UTRN: variants seen among roughly 807,000 people sequenced by gnomAD.
UTRN encodes the protein utrophin, also known as dystrophin-related protein 1.
A neutral mutation model predicts 463.9 loss-of-function variants in UTRN; 283 were observed. That is an observed-to-expected ratio of 0.61 (90% CI 0.55 to 0.67). UTRN has a LOEUF of 0.67. UTRN is among the 30% of genes least tolerant of loss of function. The pLI is 0.00. For missense variants in UTRN, 3,922 were observed against 4,084.3 expected (o/e 0.96, Z 1.08); for synonymous variants, 1,442 against 1,431.5 (o/e 1.01, Z -0.17).
chr6:144,535,711 A>C (rs1797469096), intron 43 of UTRN, among the ~76,000 whole-genome samples: 2 of 152,218 alleles, frequency 1.3e-5, no homozygotes, highest in Non-Finnish European at 1.5e-5. Flanking sequence ...GAATTATCAC[A>C]CAGTTCAATT....
At chr6:144,291,056 G>C (rs608308) in intron 1 of UTRN, among the ~76,000 whole-genome samples, 39,703 of 151,722 alleles carry the variant, frequency 0.26, 5,300 homozygotes, top group South Asian at 0.41. Context: ...TTACAGGCAT[G>C]AGCCACCGTG....
chr6:144,743,152 G>A (rs1387005803), intron 54 of UTRN, among the ~76,000 whole-genome samples: 2 of 152,154 alleles, frequency 1.3e-5, no homozygotes, highest in African/African-American at 4.8e-5. Context: ...TATATACTGA[G>A]GACATACCAA....
In UTRN at chr6:144,820,735, C is replaced by T. The variant is rs11756890; in HGVS notation, c.9358-147C>T. The T allele has an allele frequency of 0.12, 110,120 of 886,024 alleles. 7,540 individuals carry two copies. Among genetic ancestry groups the T allele is most frequent in the South Asian group, 0.18 (8,463 of 47,476 alleles). 54.9% of individuals were successfully genotyped at this position (886,024 alleles called of 1,614,324 possible). A position where few individuals can be genotyped will look rare whatever the true frequency, so the allele number is the denominator to read the frequency against. ...ATGAGTTCTTATTGCCAAGTGTTTT[C>T]ATGAGACTGCTTTATTTCAAAAATG... On this transcript the variant is annotated intron_variant, in intron 65 of 74. Coordinates refer to ENST00000367545, the MANE Select transcript of UTRN (RefSeq NM_007124.3).
intron 48 of UTRN, among the ~76,000 whole-genome samples, chr6:144,551,367 G>C (rs1798904189): frequency 6.6e-6 from 1 of 151,934 alleles, no homozygotes; most frequent in African/African-American, 2.4e-5. Context: ...CTTAACTTAG[G>C]CTTTCTTTTA....
rs558195290 is a variant in UTRN, at chr6:144,470,472, G to A, written c.3067-3248G>A. Among the ~76,000 whole-genome samples the A allele has an allele frequency of 1.4e-3, 216 of 151,936 alleles. 1 individual carries two copies. The highest frequency in any genetic ancestry group is 4.5e-3 in the African/African-American group (187 of 41,440). On this transcript the variant is annotated intron_variant, in intron 23 of 74. Transcript: ENST00000367545. Reference sequence around the variant, plus strand: ...GCGCTCCTCACATCCCAGATAGGGCGGCGGGGCAGAGACGCTCCCCACATC... The same window carrying A: ...GCGCTCCTCACATCCCAGATAGGGCAGCGGGGCAGAGACGCTCCCCACATC...
intron 54 of UTRN, among the ~76,000 whole-genome samples, chr6:144,732,694 T>C (rs1436246332): frequency 1.3e-5 from 2 of 151,556 alleles, no homozygotes; most frequent in African/African-American, 4.9e-5. Flanking sequence ...TTATGTTATG[T>C]TATGTTATGT....
chr6:144,508,253 G>C (rs1201004964), intron 34 of UTRN, among the ~76,000 whole-genome samples: 4 of 151,728 alleles, frequency 2.6e-5, no homozygotes, highest in Non-Finnish European at 4.4e-5. Context: ...GAATGGTTCT[G>C]TCTTGCTGGT....
intron 2 of UTRN, among the ~76,000 whole-genome samples, chr6:144,294,834 C>G (rs1804546426): frequency 6.6e-6 from 1 of 152,112 alleles, no homozygotes; most frequent in African/African-American, 2.4e-5. Context: ...TTTCTACCAT[C>G]TAAACAGAAA....
intron 2 of UTRN, among the ~76,000 whole-genome samples, chr6:144,360,027 T>C (rs1778907298): frequency 6.9e-6 from 1 of 145,130 alleles, no homozygotes; most frequent in Admixed American, 7.0e-5. Context: ...TCTTTTCTTT[T>C]CTTTTTTCCC....
chr6:144,388,147 A>C (rs1267878650), intron 2 of UTRN, among the ~76,000 whole-genome samples: 2 of 152,224 alleles, frequency 1.3e-5, no homozygotes, highest in Non-Finnish European at 2.9e-5. Context: ...GTACAGATAC[A>C]GTGCTAACAT....
intron 35 of UTRN, 75 bp from the exon 36 acceptor site, chr6:144,513,834 T>C: frequency 1.3e-5 from 20 of 1,522,400 alleles, no homozygotes; most frequent in South Asian, 2.5e-5. Context: ...TTTGAAGGTC[T>C]TTTAAATCTC....
intron 64 of UTRN, among the ~76,000 whole-genome samples, chr6:144,801,729 A>G (rs957288849): frequency 6.6e-6 from 1 of 152,182 alleles, no homozygotes; most frequent in Non-Finnish European, 1.5e-5. Flanking sequence ...TCTTTCTTGT[A>G]AACAGAGTGA....
chr6:144,796,546 T>C (rs1309176391), intron 63 of UTRN, among the ~76,000 whole-genome samples: 1 of 152,206 alleles, frequency 6.6e-6, no homozygotes, highest in African/African-American at 2.4e-5. Flanking sequence ...TTTTTTTTCT[T>C]TGAGACTATG....
chr6:144,350,962 G>A (rs938031396), intron 2 of UTRN, among the ~76,000 whole-genome samples: 1 of 152,096 alleles, frequency 6.6e-6, no homozygotes, highest in Admixed American at 6.5e-5. Flanking sequence ...GCTGAGACTA[G>A]TAGTTATTTA....
chr6:144,447,719 T>C lies in UTRN; in HGVS notation c.1840T>C (p.Ser614Pro). The change falls in exon 16 of 75, where the codon TCA becomes CCA. Residue 614 changes from serine to proline, a missense_variant. By Grantham distance (74) the Ser-to-Pro change is moderately conservative. This residue lies in a region of UTRN where 2,349 missense variants were observed against 2,303.8 expected (regional missense o/e 1.02). Coordinates refer to ENST00000367545, the MANE Select transcript of UTRN (RefSeq NM_007124.3). Reference sequence around the variant, plus strand: ...GGCATCTAAGAAGATCAACAGTGACTCAGAGGAACTGACTCAAAGATGGGA... The same window carrying C: ...GGCATCTAAGAAGATCAACAGTGACCCAGAGGAACTGACTCAAAGATGGGA... The part of the protein sequence containing the change: ...SKASKKINSD[S>P]EELTQRWDSL... The C allele has an allele frequency of 6.2e-7, 1 of 1,614,040 alleles. No individual in the cohort carries two copies. Among genetic ancestry groups the C allele is most frequent in the Non-Finnish European group, 8.5e-7 (1 of 1,179,948 alleles).
intron 51 of UTRN, among the ~76,000 whole-genome samples, chr6:144,603,850 T>C (rs561547842): frequency 6.6e-6 from 1 of 152,344 alleles, no homozygotes; most frequent in Non-Finnish European, 1.5e-5. Context: ...GAATTTACTT[T>C]TATATTTTAA....
intron 9 of UTRN, 23 bp downstream of exon 9, chr6:144,429,764 A>T (rs763550321): frequency 3.8e-6 from 6 of 1,595,906 alleles, no homozygotes; most frequent in Non-Finnish European, 4.3e-6. Context: ...TTTTATTAAG[A>T]TGTTTGGCTT....
chr6:144,553,453 G>A (rs1799103901), intron 48 of UTRN, among the ~76,000 whole-genome samples: 1 of 152,114 alleles, frequency 6.6e-6, no homozygotes, highest in African/African-American at 2.4e-5. Context: ...CTTGGGCCTG[G>A]TACTTAACTA....
intron 2 of UTRN, among the ~76,000 whole-genome samples, chr6:144,321,538 C>T (rs991064540): frequency 5.6e-5 from 8 of 142,714 alleles, no homozygotes; most frequent in East Asian, 4.2e-4. Flanking sequence ...GGCGTGATCT[C>T]GGCTCACTGC....
Sources: allele counts gnomAD v4.1 joint callset (sites outside exome capture counted in the v4.1 genomes callset), GRCh38; gene constraint gnomAD v4.1.1; regional missense constraint gnomAD v4.1.1; transcripts MANE v1.5; gene names NCBI Gene and HGNC (gene_info 2026-07-23, HGNC 2026-07-21).